The following NADSYN1 variants were observed in gnomAD, a reference collection of about 807,000 sequenced individuals.
The protein encoded by NADSYN1 is glutamine-dependent NAD(+) synthetase.
Under a neutral mutation model 99.3 loss-of-function variants are expected in NADSYN1, and 80 were observed. That is an observed-to-expected ratio of 0.81 (90% CI 0.67 to 0.97). The LOEUF is 0.97. Among genes scored for constraint, NADSYN1 ranks in the 50% least tolerant of loss-of-function variants. The pLI is 0.00. For synonymous variants in NADSYN1, 385 were observed against 372.1 expected, an observed-to-expected ratio of 1.03 and a Z score of -0.40; for missense variants, 859 against 948.5, an observed-to-expected ratio of 0.91 and a Z score of 1.24.
chr11:71,476,633 C>T (rs3794060), intron 9 of NADSYN1: 708,798 of 984,538 alleles, frequency 0.72, 269,239 homozygotes, highest in Non-Finnish European at 0.78. Flanking sequence ...GGCCTCCTTG[C>T]GCTTCATCAT....
chr11:71,477,221 G>T (rs185545952), intron 9 of NADSYN1: 1 of 1,189,344 alleles, frequency 8.4e-7, no homozygotes, highest in South Asian at 1.5e-5. Context: ...GCCGCCGTGC[G>T]GCAGGCTGTT....
At chr11:71,481,163 A>G (rs923766355) in intron 11 of NADSYN1, 193 bp from the exon 12 acceptor site, 2 of 680,946 alleles carry the variant, frequency 2.9e-6, no homozygotes, top group East Asian at 2.5e-5. Flanking sequence ...GACGATGATA[A>G]TACCCACGTC....
intron 14 of NADSYN1, 58 bp from the exon 15 acceptor site, chr11:71,484,254 G>T (rs79972928): frequency 1.9e-6 from 3 of 1,585,756 alleles, no homozygotes; most frequent in Non-Finnish European, 2.6e-6. Flanking sequence ...CCGCTCATGC[G>T]CACACACATG....
At chr11:71,465,080 G>T (rs1204335726) in intron 5 of NADSYN1, among the ~76,000 whole-genome samples, 1 of 152,018 alleles carries the variant, frequency 6.6e-6, no homozygotes, top group Non-Finnish European at 1.5e-5. Flanking sequence ...ATGAAAGTAT[G>T]TTACAATATC....
rs1401527379 is a variant in NADSYN1 at position 71,490,981 on chromosome 11, G to A, written c.1694+5G>A. On this transcript the variant is annotated splice_donor_5th_base_variant and intron_variant, in intron 17 of 20. Coordinates refer to ENST00000319023, the MANE Select transcript of NADSYN1 (RefSeq NM_018161.5). ...CCAGCTTCCTGCCCTGCAGAGGTGA[G>A]TGTGCTCACGGGCTGTGGCTCCACA... The A allele has an allele frequency of 6.2e-7, 1 of 1,614,012 alleles. No individual in the cohort carries two copies. The highest frequency in any genetic ancestry group is 1.3e-5 in the African/African-American group (1 of 75,060).
In NADSYN1 at chr11:71,476,578, C is replaced by T. The variant is rs3794059; in HGVS notation, c.799-1817C>T. 6,948 of 856,726 alleles carry T rather than the reference C, an allele frequency of 8.1e-3. 322 individuals carry two copies. In the African/African-American group the frequency reaches 0.1, roughly 13 times the overall value. The allele number at this position is 856,726 out of a possible 1,614,324, so 53.1% of individuals were successfully genotyped here. On this transcript the variant is annotated intron_variant, in intron 9 of 20. Coordinates refer to ENST00000319023, the MANE Select transcript of NADSYN1 (RefSeq NM_018161.5). ...GCACGGGGGCAGGCAAGGGTGTGGC[C>T]GTCTCGACTCCAGGCCCTGCTTTCC...
At chr11:71,499,829 A>T (rs1949845618) in intron 20 of NADSYN1, 1 of 152,208 alleles carries the variant, frequency 6.6e-6, no homozygotes, top group Non-Finnish European at 1.5e-5. Context: ...TGACCCCAGG[A>T]GTTGGAGACC....
At chr11:71,494,774 C>T (rs4944996) in intron 18 of NADSYN1, among the ~76,000 whole-genome samples, 50,010 of 151,988 alleles carry the variant, frequency 0.33, 10,475 homozygotes, top group Non-Finnish European at 0.48. Flanking sequence ...AGGCTGGTGT[C>T]GAACTCCCGA....
At chr11:71,493,012 G>A (rs1049906985) in intron 18 of NADSYN1, among the ~76,000 whole-genome samples, 3 of 151,830 alleles carry the variant, frequency 2.0e-5, no homozygotes, top group South Asian at 2.1e-4. Context: ...CTCAGCCTCC[G>A]GAGTAGCTGG....
Position 71,474,603 on chromosome 11 carries a change from C to T in NADSYN1, c.798+77C>T, listed in dbSNP as rs566768885. On this transcript the variant is annotated intron_variant, in intron 9 of 20. Coordinates refer to ENST00000319023, the MANE Select transcript of NADSYN1 (RefSeq NM_018161.5). The stretch of plus-strand genomic sequence containing the variant: ...GAGCTCCTGGCTCTCCCCTGTAAGC[C>T]GGGTGCTTAGTGAGGGCCCCTGTGG... 3.1e-5 allele frequency: 50 copies of T among 1,594,918 alleles called. 1 individual carries two copies. Among genetic ancestry groups the T allele is most frequent in the African/African-American group, 1.9e-4 (14 of 74,622 alleles).
In NADSYN1 at chr11:71,476,397, C is replaced by T. The variant is rs75075146; in HGVS notation, c.798+1871C>T. Reference sequence around the variant, plus strand: ...TGTCTGAGCAGTTCATTGCTTTGCTCCCGCTGCGTTCCCATCCTCATGATT... The same window carrying T: ...TGTCTGAGCAGTTCATTGCTTTGCTTCCGCTGCGTTCCCATCCTCATGATT... On this transcript the variant is annotated intron_variant, in intron 9 of 20. Coordinates refer to ENST00000319023, the MANE Select transcript of NADSYN1 (RefSeq NM_018161.5). The T allele has an allele frequency of 2.9e-3, 956 of 325,126 alleles. 25 individuals are homozygous for T. The East Asian group carries it at 0.061, about 21-fold the overall frequency. 20.1% of individuals were successfully genotyped at this position (325,126 alleles called of 1,614,324 possible).
chr11:71,477,194 C>G, intron 9 of NADSYN1: 1 of 1,179,136 alleles, frequency 8.5e-7, no homozygotes, highest in African/African-American at 1.6e-5. Flanking sequence ...TCCGGCTTGT[C>G]GTGTGCCTGG....
intron 9 of NADSYN1, chr11:71,476,015 CTCTT>C (rs1565601228): frequency 4.4e-6 from 2 of 455,932 alleles, no homozygotes; most frequent in Non-Finnish European, 8.8e-6. Context: ...CACCCGGCCT[CTCTT>C]TCTGTTTTTG....
chr11:71,474,954 G>A (rs1375013082), intron 9 of NADSYN1: 3 of 256,668 alleles, frequency 1.2e-5, no homozygotes, highest in East Asian at 8.7e-5. Context: ...GGAGGGCTCC[G>A]TGCCACGCAG....
intron 2 of NADSYN1, among the ~76,000 whole-genome samples, chr11:71,457,423 A>G (rs906927408): frequency 6.6e-6 from 1 of 152,190 alleles, no homozygotes; most frequent in African/African-American, 2.4e-5. Context: ...TGTAGTAGAA[A>G]GGAGAACTTC....
chr11:71,474,472 T>C lies in NADSYN1; in HGVS notation c.744T>C (p.Ile248=), dbSNP rs2186778. 0.91 allele frequency: 1,473,310 copies of C among 1,614,024 alleles called. 680,341 individuals carry two copies. Among genetic ancestry groups the C allele is most frequent in the Non-Finnish European group, 0.96 (1,131,029 of 1,179,964 alleles). Residue 248 remains isoleucine, a synonymous_variant, in exon 9 of 21, where the codon ATT becomes ATC. Transcript: ENST00000319023. ...DRLYYDGCAM[I]AMNGSVFAQG... ...TGTACTACGACGGCTGTGCCATGATTGCCATGAACGGAAGCGTCTTTGCTC... is the reference window on the plus strand; with the variant it reads ...TGTACTACGACGGCTGTGCCATGATCGCCATGAACGGAAGCGTCTTTGCTC...
chr11:71,462,480 T>C (rs999000727), intron 3 of NADSYN1, among the ~76,000 whole-genome samples: 3 of 152,108 alleles, frequency 2.0e-5, no homozygotes, highest in Non-Finnish European at 4.4e-5. Context: ...GCCCATCTTG[T>C]ATGTATTGAG....
At chr11:71,498,071 G>A (rs938132066) in intron 19 of NADSYN1, among the ~76,000 whole-genome samples, 12 of 152,148 alleles carry the variant, frequency 7.9e-5, no homozygotes, top group Non-Finnish European at 1.6e-4. Flanking sequence ...AAAGGCAGGG[G>A]GACCCCGGTT....
chr11:71,461,940 C>T lies in NADSYN1; in HGVS notation c.264-1492C>T, dbSNP rs187051504. Among the ~76,000 whole-genome samples, 204 of 152,344 alleles carry T rather than the reference C, an allele frequency of 1.3e-3. 3 individuals are homozygous for T. The highest frequency in any genetic ancestry group is 2.5e-3 in the Admixed American group (38 of 15,294). ...GAATAGAAGCCATGATGGAGTGAGT[C>T]GCTTGTGGTGGCCGCAGCCAGGACC... is the stretch of plus-strand genomic sequence containing the variant. On this transcript the variant is annotated intron_variant, in intron 3 of 20. Coordinates refer to ENST00000319023, the MANE Select transcript of NADSYN1 (RefSeq NM_018161.5).
Sources: gnomAD v4.1 joint callset for allele counts (sites outside exome capture counted in the v4.1 genomes callset) on GRCh38, gnomAD v4.1.1 for gene constraint, MANE v1.5 for transcripts, NCBI Gene and HGNC (gene_info 2026-07-23, HGNC 2026-07-21) for gene names.